The following PTPRD variants were observed in gnomAD, a reference collection of about 807,000 sequenced individuals.
The protein encoded by PTPRD is receptor-type tyrosine-protein phosphatase delta.
A neutral mutation model predicts 214.5 loss-of-function variants in PTPRD; 34 were observed. The ratio of observed to expected loss-of-function variants is 0.16; its 90% CI spans 0.12 to 0.21. PTPRD has a LOEUF of 0.21. Ranked by LOEUF, PTPRD falls within the 10% of genes least tolerant of loss-of-function variation. The pLI is 1.00. For synonymous variants in PTPRD, 1,128 were observed against 845.7 expected, an observed-to-expected ratio of 1.33 and a Z score of -5.79; for missense variants, 2,545 against 2,398.7, an observed-to-expected ratio of 1.06 and a Z score of -1.27.
intron 7 of PTPRD, among the ~76,000 whole-genome samples, chr9:9,631,376 C>G (rs1411860590): frequency 6.6e-6 from 1 of 151,998 alleles, no homozygotes; most frequent in South Asian, 2.1e-4. Flanking sequence ...TAATCTACAT[C>G]AATAGTTTCT....
intron 11 of PTPRD, among the ~76,000 whole-genome samples, chr9:8,771,180 C>CACAAAAAAAAAAAAA (rs2095180103): frequency 7.1e-6 from 1 of 141,090 alleles, no homozygotes; most frequent in African/African-American, 2.7e-5. Context: ...GATTCCGTCT[C>CACAAAAAAAAAAAAA]AAAAAAAAAA....
At chr9:9,258,261 A>G (rs1490364571) in intron 9 of PTPRD, among the ~76,000 whole-genome samples, 1 of 151,940 alleles carries the variant, frequency 6.6e-6, no homozygotes, top group Non-Finnish European at 1.5e-5. Context: ...GAAATTAAAC[A>G]TACTATAACA....
At chr9:10,481,556 A>C (rs535209387) in intron 2 of PTPRD, among the ~76,000 whole-genome samples, 1 of 152,188 alleles carries the variant, frequency 6.6e-6, no homozygotes, top group South Asian at 2.1e-4. Context: ...TGTGTTATCA[A>C]TGTCTCTTAG....
intron 5 of PTPRD, among the ~76,000 whole-genome samples, chr9:9,855,526 G>C (rs1467249474): frequency 1.3e-5 from 2 of 152,134 alleles, no homozygotes; most frequent in Non-Finnish European, 2.9e-5. Context: ...ATATTTTCCT[G>C]ATCCTTTTCG....
At chr9:9,283,541 C>T (rs1283918487) in intron 9 of PTPRD, among the ~76,000 whole-genome samples, 1 of 151,504 alleles carries the variant, frequency 6.6e-6, no homozygotes, top group East Asian at 2.0e-4. Context: ...CCAATTATCA[C>T]TAGTGATAGA....
intron 3 of PTPRD, among the ~76,000 whole-genome samples, chr9:10,116,171 G>T (rs1211689938): frequency 1.3e-5 from 2 of 152,030 alleles, no homozygotes; most frequent in Non-Finnish European, 2.9e-5. Flanking sequence ...ACCATAGGAG[G>T]TTTGCAGTTG....
chr9:9,170,295 G>C (rs985124284), intron 10 of PTPRD, among the ~76,000 whole-genome samples: 1 of 152,142 alleles, frequency 6.6e-6, no homozygotes, highest in Non-Finnish European at 1.5e-5. Flanking sequence ...CAAAATCACT[G>C]TGATGGGTAA....
At chr9:9,521,668 CCT>C (rs2096976076) in intron 8 of PTPRD, among the ~76,000 whole-genome samples, 1 of 152,020 alleles carries the variant, frequency 6.6e-6, no homozygotes, top group Non-Finnish European at 1.5e-5. Flanking sequence ...AAGCCCTATG[CCT>C]CGTAAATGAC....
At chr9:10,138,612 A>T (rs1290938177) in intron 3 of PTPRD, among the ~76,000 whole-genome samples, 1 of 152,072 alleles carries the variant, frequency 6.6e-6, no homozygotes, top group Non-Finnish European at 1.5e-5. Flanking sequence ...ACACAATATC[A>T]GGACAATATT....
chr9:9,864,224 T>A (rs1359458759), intron 5 of PTPRD, among the ~76,000 whole-genome samples: 1 of 152,018 alleles, frequency 6.6e-6, no homozygotes, highest in Non-Finnish European at 1.5e-5. Flanking sequence ...AAGAATCGCT[T>A]GAACCCGGGA....
At chr9:10,026,542 AT>A (rs2096926494) in intron 4 of PTPRD, among the ~76,000 whole-genome samples, 2 of 152,148 alleles carry the variant, frequency 1.3e-5, no homozygotes, top group South Asian at 4.1e-4. Flanking sequence ...ACAAAAAATA[AT>A]TTTTGTTTAT....
At chr9:10,140,369 A>C (rs973703894) in intron 3 of PTPRD, among the ~76,000 whole-genome samples, 1 of 152,048 alleles carries the variant, frequency 6.6e-6, no homozygotes, top group African/African-American at 2.4e-5. Context: ...AATAAAGAAA[A>C]AAAGAGAGAA....
rs989154765 is a variant in PTPRD at position 8,929,933 on chromosome 9, A to G, written c.-104+88764T>C. Among the ~76,000 whole-genome samples the G allele has an allele frequency of 2.4e-3, 263 of 111,026 alleles. 22 individuals are homozygous for G. Among genetic ancestry groups the G allele is most frequent in the African/African-American group, 6.9e-3 (230 of 33,518 alleles). The allele number at this position is 111,026 out of a possible 152,430, so 72.8% of individuals were successfully genotyped here. A position where few individuals can be genotyped will look rare whatever the true frequency, so the allele number is the denominator to read the frequency against. On this transcript the variant is annotated intron_variant, in intron 11 of 45. Coordinates refer to ENST00000381196, the MANE Select transcript of PTPRD (RefSeq NM_002839.4). ...TATGTGTGTGTATATATATATGTGT[A>G]TATATATATGTGTGTGTGTGTATAT... is the stretch of plus-strand genomic sequence containing the variant.
At chr9:8,605,874 T>C (rs1349504533) in intron 14 of PTPRD, among the ~76,000 whole-genome samples, 1 of 152,178 alleles carries the variant, frequency 6.6e-6, no homozygotes, top group African/African-American at 2.4e-5. Flanking sequence ...ACCTCTCTGA[T>C]ACGATTTGTA....
chr9:8,790,127 C>T (rs183977830), intron 11 of PTPRD, among the ~76,000 whole-genome samples: 161 of 152,178 alleles, frequency 1.1e-3, no homozygotes, highest in African/African-American at 3.8e-3. Flanking sequence ...AGCAATCCTC[C>T]CGCCTTGGCC....
intron 10 of PTPRD, among the ~76,000 whole-genome samples, chr9:9,041,467 T>A (rs1347304227): frequency 3.9e-5 from 6 of 152,164 alleles, no homozygotes; most frequent in Non-Finnish European, 7.4e-5. Context: ...CATGCGGTAT[T>A]TGATTTTCTG....
chr9:9,961,495 G>T (rs10978137), intron 4 of PTPRD, among the ~76,000 whole-genome samples: 37,157 of 152,098 alleles, frequency 0.24, 5,520 homozygotes, highest in East Asian at 0.55. Context: ...GTTCCCAGGA[G>T]CATTAGTAAA....
chr9:8,722,890 A>G (rs538606072), intron 12 of PTPRD, among the ~76,000 whole-genome samples: 5 of 152,236 alleles, frequency 3.3e-5, no homozygotes, highest in East Asian at 1.9e-4. Flanking sequence ...TTGCAAGTCT[A>G]TATCGGCTGG....
chr9:10,142,027 G>C (rs2098989110), intron 3 of PTPRD, among the ~76,000 whole-genome samples: 1 of 152,062 alleles, frequency 6.6e-6, no homozygotes, highest in African/African-American at 2.4e-5. Flanking sequence ...ATGGGGAAAG[G>C]ATTCCCTATT....
Sources: allele counts gnomAD v4.1 joint callset (sites outside exome capture counted in the v4.1 genomes callset), GRCh38; gene constraint gnomAD v4.1.1; transcripts MANE v1.5; gene names NCBI Gene and HGNC (gene_info 2026-07-23, HGNC 2026-07-21).